MAF: variants seen among roughly 807,000 people sequenced by gnomAD.
The protein encoded by MAF is MAF bZIP transcription factor.
In MAF, 10 loss-of-function variants were observed where a neutral mutation model predicts 22.0. That is an observed-to-expected ratio of 0.45 (90% CI 0.28 to 0.77). The LOEUF is 0.77. MAF is among the 30% of genes least tolerant of loss of function. The pLI, the probability that MAF is intolerant of heterozygous loss-of-function variation, is 0.12. For missense variants in MAF, 544 were observed against 548.4 expected (o/e 0.99, Z 0.08); for synonymous variants, 337 against 255.8 (o/e 1.32, Z -3.03).
At chr16:79,598,121 C>G in intron 1 of MAF, 7 of 1,044,744 alleles carry the variant, frequency 6.7e-6, no homozygotes, top group Non-Finnish European at 8.1e-6. Context: ...CCTTTGCAAG[C>G]TCAATCTCAC....
chr16:79,437,889 G>C, the MAF span, among the ~76,000 whole-genome samples: 2 of 152,208 alleles, frequency 1.3e-5, no homozygotes, highest in African/African-American at 2.4e-5. Context: ...CTTTCACCTA[G>C]AGTGGGACAC....
chr16:79,520,871 C>T, the MAF span, among the ~76,000 whole-genome samples: 1 of 152,128 alleles, frequency 6.6e-6, no homozygotes, highest in African/African-American at 2.4e-5. Flanking sequence ...GTGCCTGGGA[C>T]CCTGCTAAGT....
At chr16:79,361,548 C>A in the MAF span, among the ~76,000 whole-genome samples, 314 of 152,256 alleles carry the variant, frequency 2.1e-3, 2 homozygotes, top group African/African-American at 6.3e-3. Flanking sequence ...CCATGCTAGC[C>A]GGCTGCCTGG....
At chr16:79,279,801 A>C in the MAF span, among the ~76,000 whole-genome samples, 1 of 152,028 alleles carries the variant, frequency 6.6e-6, no homozygotes, top group African/African-American at 2.4e-5. Context: ...TTTTTTTAAC[A>C]ACCTGCTTAT....
At chr16:79,278,034 G>A in the MAF span, among the ~76,000 whole-genome samples, 1 of 152,188 alleles carries the variant, frequency 6.6e-6, no homozygotes, top group East Asian at 1.9e-4. Context: ...TTTAATTGGT[G>A]CCCCTGGGGT....
chr16:79,293,800 G>C, the MAF span, among the ~76,000 whole-genome samples: 24,602 of 151,824 alleles, frequency 0.16, 2,393 homozygotes, highest in African/African-American at 0.27. Flanking sequence ...ACCTTTTCTT[G>C]TGCCAGTCTA....
At chr16:79,362,369 C>T in the MAF span, among the ~76,000 whole-genome samples, 9 of 152,156 alleles carry the variant, frequency 5.9e-5, no homozygotes, top group Admixed American at 2.6e-4. Context: ...CTTGAATATA[C>T]GAGTTACCCC....
chr16:79,264,220 G>A, the MAF span, among the ~76,000 whole-genome samples: 12 of 152,126 alleles, frequency 7.9e-5, no homozygotes, highest in Non-Finnish European at 1.8e-4. Flanking sequence ...CAGTCCAGAG[G>A]GGGCAAAAAT....
At position 79,599,562 on chromosome 16, in the gene MAF, A is replaced by G. The variant is rs532734158; in HGVS notation, c.341T>C (p.Val114Ala). The G allele has an allele frequency of 6.3e-7, 1 of 1,590,592 alleles. No homozygotes were observed. Among genetic ancestry groups the G allele is most frequent in the South Asian group, 1.1e-5 (1 of 88,002 alleles). The change falls in exon 1 of 2, where the codon GTC becomes GCC. Residue 114 changes from valine to alanine, a missense_variant. Physicochemically the swap from Val to Ala is moderately conservative, Grantham distance 64. This residue lies in a region of MAF where 342 missense variants were observed against 315.5 expected (regional missense o/e 1.08). Transcript: ENST00000326043. ...EALGFSPEDA[V>A]EALISNSHQL... is the part of the protein sequence containing the mutation. The stretch of plus-strand genomic sequence containing the variant: ...GTGGCTGTTGCTGATGAGCGCCTCG[A>G]CCGCGTCCTCGGGGCTGAAGCCCAG...
At chr16:79,377,174 C>G in the MAF span, among the ~76,000 whole-genome samples, 1 of 152,202 alleles carries the variant, frequency 6.6e-6, no homozygotes, top group African/African-American at 2.4e-5. Context: ...TCCACATCCT[C>G]TCCAGCACCT....
the MAF span, among the ~76,000 whole-genome samples, chr16:79,298,796 C>A: frequency 2.6e-5 from 4 of 152,332 alleles, no homozygotes; most frequent in East Asian, 3.9e-4. Context: ...CCCAGCAGGG[C>A]CTTGCAGGCT....
At chr16:79,447,891 C>CAA in the MAF span, among the ~76,000 whole-genome samples, 4 of 72,580 alleles carry the variant, frequency 5.5e-5, no homozygotes, top group African/African-American at 7.6e-5. Context: ...GATTCCATCT[C>CAA]AAAAAAAAAA....
chr16:79,401,369 G>A, the MAF span, among the ~76,000 whole-genome samples: 11 of 152,220 alleles, frequency 7.2e-5, no homozygotes, highest in South Asian at 1.5e-3. Flanking sequence ...CCCCATGAAC[G>A]GTCATCCACT....
chr16:79,502,702 AATATAAATATATATATATATAT>A, the MAF span, among the ~76,000 whole-genome samples: 95 of 86,472 alleles, frequency 1.1e-3, 3 homozygotes, highest in East Asian at 8.3e-3. Flanking sequence ...TATAAATATA[AATATAAATATATATATATATAT>A]ATATATATAT....
the MAF span, among the ~76,000 whole-genome samples, chr16:79,505,150 A>C: frequency 2.6e-5 from 4 of 152,320 alleles, no homozygotes; most frequent in Non-Finnish European, 2.9e-5. Context: ...AAAAATTCCA[A>C]GTAGGAGGAA....
chr16:79,318,293 G>A, the MAF span, among the ~76,000 whole-genome samples: 1 of 152,236 alleles, frequency 6.6e-6, no homozygotes, highest in East Asian at 1.9e-4. Context: ...TGTCCTTTGG[G>A]ATGCTAAATG....
chr16:79,521,284 G>A, the MAF span, among the ~76,000 whole-genome samples: 1 of 152,158 alleles, frequency 6.6e-6, no homozygotes, highest in African/African-American at 2.4e-5. Context: ...ACCCCAAGGG[G>A]GTTAATTATA....
At chr16:79,347,198 G>A in the MAF span, among the ~76,000 whole-genome samples, 3 of 152,228 alleles carry the variant, frequency 2.0e-5, no homozygotes, top group Non-Finnish European at 4.4e-5. Flanking sequence ...AAGGATTCTT[G>A]CTGGAGGAAT....
At chr16:79,521,183 C>G in the MAF span, among the ~76,000 whole-genome samples, 1 of 152,206 alleles carries the variant, frequency 6.6e-6, no homozygotes, top group African/African-American at 2.4e-5. Context: ...GCTCAAGTGA[C>G]TGGGAATTCT....
Sources: allele counts gnomAD v4.1 joint callset (sites outside exome capture counted in the v4.1 genomes callset), GRCh38; gene constraint gnomAD v4.1.1; regional missense constraint gnomAD v4.1.1; transcripts MANE v1.5; gene names NCBI Gene and HGNC (gene_info 2026-07-23, HGNC 2026-07-21).